Variants in SSX5 observed in about 807,000 individuals in gnomAD.
The protein encoded by SSX5 is SSX family member 5.
SSX5 carries 14 observed loss-of-function variants against 14.9 expected under a neutral mutation model. That is an observed-to-expected ratio of 0.94 (90% CI 0.62 to 1.47). The LOEUF (loss-of-function observed/expected upper bound fraction) is 1.47, where lower values mean the gene tolerates loss of function less well. Ranked by LOEUF, SSX5 falls within the 40% of genes most tolerant of loss-of-function variation. SSX5 has a pLI of 0.00. For missense variants in SSX5, 204 were observed against 154.6 expected, an observed-to-expected ratio of 1.32 and a Z score of -1.70; for synonymous variants, 70 against 55.4, an observed-to-expected ratio of 1.26 and a Z score of -1.17.
Position 48,186,415 on chromosome X carries a change from CG to C in SSX5, c.*445del. ...GTGTGTGTGTGTGTGCGCGCGCGCG[CG>C]CATGTGTGTCTGTGTGGCATGTGTG... is the stretch of plus-strand genomic sequence containing the variant. On this transcript the variant is annotated 3_prime_UTR_variant, in exon 8 of 8. Coordinates refer to ENST00000347757, the MANE Select transcript of SSX5 (RefSeq NM_175723.2). The C allele has an allele frequency of 3.7e-6, 1 of 271,015 alleles. No homozygotes were observed. The highest frequency in any genetic ancestry group is 2.8e-5 in the African/African-American group (1 of 35,137). 22.3% of individuals were successfully genotyped at this position (271,015 alleles called of 1,213,427 possible). A position where few individuals can be genotyped will look rare whatever the true frequency, so the allele number is the denominator to read the frequency against.
At chrX:48,196,148 G>T (rs2059440372) in intron 1 of SSX5, among the ~76,000 whole-genome samples, 1 of 110,901 alleles carries the variant, frequency 9.0e-6, no homozygotes, top group African/African-American at 3.3e-5. Flanking sequence ...GTTAGCTGGG[G>T]GTGGTGTAGC....
intron 3 of SSX5, 123 bp downstream of exon 3, chrX:48,194,617 T>C: frequency 1.2e-6 from 1 of 808,802 alleles, no homozygotes; most frequent in African/African-American, 2.1e-5. Context: ...AGAAGCTGCC[T>C]TGCCATTTTT....
rs372799428 is a variant in SSX5 at position 48,195,276 on chromosome X, G to T, written c.69+14C>A. On this transcript the variant is annotated intron_variant, in intron 2 of 7. Coordinates refer to ENST00000347757, the MANE Select transcript of SSX5 (RefSeq NM_175723.2). ...CCCCTGGGCCACTACTATGCCCCCT[G>T]CAGGTCACCTCACCTTTTGCATCTT... is the stretch of plus-strand genomic sequence containing the variant. 188 of 1,208,328 alleles carry T rather than the reference G, an allele frequency of 1.6e-4. 2 individuals carry two copies. In the African/African-American group the frequency reaches 2.6e-3, roughly 17 times the overall value.
intron 6 of SSX5, 84 bp downstream of exon 6, chrX:48,190,049 G>T: frequency 8.8e-7 from 1 of 1,141,675 alleles, no homozygotes; most frequent in Non-Finnish European, 1.2e-6. Context: ...AGGCTTGTCT[G>T]GGGTCCATGC....
At position 48,190,153 on chromosome X, in the gene SSX5, T is replaced by G. The variant is rs1344243230; in HGVS notation, c.446A>C (p.Glu149Ala). The change falls in exon 6 of 8, where the codon GAG becomes GCG. Residue 149 changes from glutamate to alanine, a missense_variant. Glu to Ala is a moderately radical substitution (Grantham distance 107, BLOSUM62 -1). Transcript: ENST00000347757. Reference protein sequence around the residue: ...LRPSGKLNTSEKVNKTSGPKR... With the variant: ...LRPSGKLNTSAKVNKTSGPKR... ...CTTACCAGATGTCTTGTTAACCTTCTCAGAGGTATTTAGTTTTCCTGAGGG... is the reference window on the plus strand; with the variant it reads ...CTTACCAGATGTCTTGTTAACCTTCGCAGAGGTATTTAGTTTTCCTGAGGG... 18 of 1,209,193 alleles carry G rather than the reference T, an allele frequency of 1.5e-5. No individual in the cohort carries two copies. Among genetic ancestry groups the G allele is most frequent in the Non-Finnish European group, 2.0e-5 (18 of 894,946 alleles).
intron 5 of SSX5, among the ~76,000 whole-genome samples, chrX:48,191,648 G>A (rs1449504731): frequency 4.5e-4 from 1 of 2,215 alleles, no homozygotes; most frequent in African/African-American, 4.8e-4. Context: ...AGGCCCTACG[G>A]GGGTGAAGCC....
intron 4 of SSX5, 116 bp from the exon 5 acceptor site, chrX:48,192,397 G>A: frequency 9.5e-7 from 1 of 1,050,202 alleles, no homozygotes; most frequent in Non-Finnish European, 1.3e-6. Context: ...TGATTGTTGA[G>A]GAGTTATTTG....
chrX:48,195,458 C>A, intron 1 of SSX5, 80 bp from the exon 2 acceptor site: 1 of 962,710 alleles, frequency 1.0e-6, no homozygotes, highest in Non-Finnish European at 1.5e-6. Flanking sequence ...AGTCTGGCCA[C>A]ACTCAGTCAC....
rs1335836521 is a variant in SSX5 at position 48,186,414 on chromosome X, G to A, written c.*447C>T. On this transcript the variant is annotated 3_prime_UTR_variant, in exon 8 of 8. Transcript: ENST00000347757. Reference sequence around the variant, plus strand: ...TGTGTGTGTGTGTGTGCGCGCGCGCGCGCATGTGTGTCTGTGTGGCATGTG... The same window carrying A: ...TGTGTGTGTGTGTGTGCGCGCGCGCACGCATGTGTGTCTGTGTGGCATGTG... 1.0e-4 allele frequency: 27 copies of A among 270,091 alleles called. No homozygotes were observed. Among genetic ancestry groups the A allele is most frequent in the Middle Eastern group, 1.3e-3 (1 of 793 alleles). 22.3% of individuals were successfully genotyped at this position (270,091 alleles called of 1,213,427 possible).
At position 48,192,244 on chromosome X, in the gene SSX5, T is replaced by C; in HGVS notation, c.318A>G (p.Gly106=). 4 of 1,211,453 alleles carry C rather than the reference T, an allele frequency of 3.3e-6. No homozygotes were observed. The highest frequency in any genetic ancestry group is 4.5e-6 in the Non-Finnish European group (4 of 895,264). ...GAGAGACACTCACCTTCGGGAAGAT[T>C]CCCTGGAGCCTGCCGAAAGTCATCT... is the stretch of plus-strand genomic sequence containing the variant. ...HPQMTFGRLQ[G]IFPKITPEKP... Residue 106 remains glycine (G), a synonymous_variant, in exon 5 of 8, where the codon GGA becomes GGG. Transcript: ENST00000347757.
intron 7 of SSX5, among the ~76,000 whole-genome samples, chrX:48,187,408 C>T (rs1168031116): frequency 1.8e-5 from 2 of 110,338 alleles, no homozygotes; most frequent in South Asian, 7.8e-4. Flanking sequence ...TGCAGTGAGC[C>T]GAGATCATGC....
intron 3 of SSX5, among the ~76,000 whole-genome samples, chrX:48,194,451 G>A (rs2059432322): frequency 9.1e-6 from 1 of 109,650 alleles, no homozygotes; most frequent in African/African-American, 3.3e-5. Flanking sequence ...AGAGAAGGAA[G>A]GTAGGGACGA....
In SSX5 at chrX:48,186,365, GGTGTGTGTGTGTGT is replaced by G. The variant is rs61004107; in HGVS notation, c.*482_*495del. The stretch of plus-strand genomic sequence containing the variant: ...TTGGGAGATGCCTATACTGGTACTT[GGTGTGTGTGTGTGT>G]GTGTGTGTGTGTGTGTGTGTGTGTG... On this transcript the variant is annotated 3_prime_UTR_variant, in exon 8 of 8. Transcript: ENST00000347757. 41 of 130,435 alleles carry G rather than the reference GGTGTGTGTGTGTGT, an allele frequency of 3.1e-4. No individual in the cohort carries two copies. The highest frequency in any genetic ancestry group is 1.1e-3 in the Admixed American group (10 of 9,387). The allele number at this position is 130,435 out of a possible 1,213,427, so 10.7% of individuals were successfully genotyped here. A position where few individuals can be genotyped will look rare whatever the true frequency, so the allele number is the denominator to read the frequency against.
Position 48,187,611 on chromosome X carries a change from C to T in SSX5, c.*4+16G>A, listed in dbSNP as rs1246901872. The T allele has an allele frequency of 8.3e-7, 1 of 1,201,176 alleles. No individual in the cohort carries two copies. Among genetic ancestry groups the T allele is most frequent in the Non-Finnish European group, 1.1e-6 (1 of 888,897 alleles). Reference sequence around the variant, plus strand: ...CATCTGCAAGGATGTGGGAGATGAGCCAAAGGTTCACTTACGGAGTTACTC... The same window carrying T: ...CATCTGCAAGGATGTGGGAGATGAGTCAAAGGTTCACTTACGGAGTTACTC... On this transcript the variant is annotated intron_variant, in intron 7 of 7. Coordinates refer to ENST00000347757, the MANE Select transcript of SSX5 (RefSeq NM_175723.2).
At chrX:48,191,272 G>A (rs1244225355) in intron 5 of SSX5, among the ~76,000 whole-genome samples, 1 of 111,538 alleles carries the variant, frequency 9.0e-6, no homozygotes, top group Non-Finnish European at 1.9e-5. Flanking sequence ...TAGGCTAAGG[G>A]AAGGCCTCTC....
At position 48,186,326 on chromosome X, in the gene SSX5, A is replaced by G. The variant is rs1312145199; in HGVS notation, c.*535T>C. The G allele has an allele frequency of 4.6e-5, 9 of 193,871 alleles. No homozygotes were observed. The highest frequency in any genetic ancestry group is 2.2e-4 in the African/African-American group (7 of 32,200). The allele number at this position is 193,871 out of a possible 1,213,427, so 16.0% of individuals were successfully genotyped here. On this transcript the variant is annotated 3_prime_UTR_variant, in exon 8 of 8. Transcript: ENST00000347757. Reference sequence around the variant, plus strand: ...AGTGAGGGGGGCTTGACCAGGACACATGGGGAAAAGCAGTTGGGAGATGCC... The same window carrying G: ...AGTGAGGGGGGCTTGACCAGGACACGTGGGGAAAAGCAGTTGGGAGATGCC...
chrX:48,187,921 T>C (rs1476881229), intron 6 of SSX5, among the ~76,000 whole-genome samples, 190 bp from the exon 7 acceptor site: 2 of 112,090 alleles, frequency 1.8e-5, no homozygotes, highest in African/African-American at 3.2e-5. Flanking sequence ...CCCACACCAA[T>C]ACAGGCCAAA....
rs782211865 is a variant in SSX5, at chrX:48,192,346, A to T, written c.281-65T>A. The T allele has an allele frequency of 1.8e-4, 214 of 1,187,538 alleles. 1 individual carries two copies. The Middle Eastern group carries it at 3.8e-3, about 21-fold the overall frequency. ...GATTTCCAAACTCTAGAGAGACTTC[A>T]GTTGCATGAGGGCATTCTGCAGCAG... On this transcript the variant is annotated intron_variant, in intron 4 of 7. Transcript: ENST00000347757.
At chrX:48,189,581 A>G (rs2059412054) in intron 6 of SSX5, among the ~76,000 whole-genome samples, 1 of 112,527 alleles carries the variant, frequency 8.9e-6, no homozygotes, top group Non-Finnish European at 1.9e-5. Context: ...TAAGATATAT[A>G]CATTTTGAGA....
Sources: allele counts gnomAD v4.1 joint callset (sites outside exome capture counted in the v4.1 genomes callset), GRCh38; gene constraint gnomAD v4.1.1; transcripts MANE v1.5; gene names NCBI Gene and HGNC (gene_info 2026-07-23, HGNC 2026-07-21).